The following AASDHPPT variants were observed in gnomAD, a reference collection of about 807,000 sequenced individuals.
The protein encoded by AASDHPPT is L-aminoadipate-semialdehyde dehydrogenase-phosphopantetheinyl transferase.
A neutral mutation model predicts 36.4 loss-of-function variants in AASDHPPT; 23 were observed. That is an observed-to-expected ratio of 0.63 (90% CI 0.45 to 0.89). The LOEUF is 0.89. Ranked by LOEUF, AASDHPPT falls within the 40% of genes least tolerant of loss-of-function variation. AASDHPPT has a pLI of 0.00. For missense variants in AASDHPPT, 377 were observed against 378.2 expected, an observed-to-expected ratio of 1.00 and a Z score of 0.03; for synonymous variants, 115 against 128.0, an observed-to-expected ratio of 0.90 and a Z score of 0.68.
intron 2 of AASDHPPT, among the ~76,000 whole-genome samples, chr11:106,087,432 T>C (rs747639204): frequency 6.6e-6 from 1 of 152,176 alleles, no homozygotes; most frequent in Non-Finnish European, 1.5e-5. Context: ...TTACAATTTC[T>C]AATATGATTT....
chr11:106,089,524 A>G (rs1189028747), intron 2 of AASDHPPT: 1 of 152,072 alleles, frequency 6.6e-6, no homozygotes, highest in Non-Finnish European at 1.5e-5. Flanking sequence ...TGGTTCACTT[A>G]CCTTGGAACA....
intron 2 of AASDHPPT, among the ~76,000 whole-genome samples, chr11:106,081,267 T>G (rs560185210): frequency 4.6e-5 from 7 of 152,340 alleles, no homozygotes; most frequent in African/African-American, 1.7e-4. Flanking sequence ...CTAATAAACC[T>G]TTCCAGTACA....
intron 2 of AASDHPPT, among the ~76,000 whole-genome samples, chr11:106,088,657 G>A (rs1012163588): frequency 6.6e-6 from 1 of 152,054 alleles, no homozygotes; most frequent in Non-Finnish European, 1.5e-5. Flanking sequence ...AAGCCAGTAT[G>A]TACTATTGAT....
rs1281338972 is a variant in AASDHPPT at position 106,098,493 on chromosome 11, C to T, written c.*1586C>T. On this transcript the variant is annotated 3_prime_UTR_variant, in exon 6 of 6. Transcript: ENST00000278618. ...TGTGCAAATTGTATAAAATTAGGTA[C>T]TTCGATTAGTAAAAGAAAAAAATTT... The T allele has an allele frequency of 6.7e-6, 1 of 150,366 alleles. No individual in the cohort carries two copies. Among genetic ancestry groups the T allele is most frequent in the Non-Finnish European group, 1.5e-5 (1 of 67,636 alleles). The allele number at this position is 150,366 out of a possible 1,614,324, so 9.3% of individuals were successfully genotyped here. A position where few individuals can be genotyped will look rare whatever the true frequency, so the allele number is the denominator to read the frequency against.
chr11:106,090,161 G>A (rs1013316818), intron 2 of AASDHPPT, among the ~76,000 whole-genome samples: 1 of 151,664 alleles, frequency 6.6e-6, no homozygotes, highest in Non-Finnish European at 1.5e-5. Context: ...ATTTTAATTG[G>A]GCTTCTGATA....
At chr11:106,083,909 T>TA (rs1184535760) in intron 2 of AASDHPPT, among the ~76,000 whole-genome samples, 2 of 152,130 alleles carry the variant, frequency 1.3e-5, no homozygotes, top group East Asian at 1.9e-4. Flanking sequence ...TATTTAAATT[T>TA]AAAAAAATTA....
At chr11:106,096,131 A>G (rs1355428256) in intron 5 of AASDHPPT, among the ~76,000 whole-genome samples, 1 of 152,174 alleles carries the variant, frequency 6.6e-6, no homozygotes, top group Non-Finnish European at 1.5e-5. Flanking sequence ...GAGACCAGTC[A>G]TATAAGTACT....
Position 106,079,546 on chromosome 11 carries a change from C to T in AASDHPPT, c.263C>T (p.Ala88Val), listed in dbSNP as rs1403335920. Residue 88 changes from alanine to valine, a missense_variant, in exon 2 of 6, where the codon GCA becomes GTA. Ala to Val is a moderately conservative substitution (Grantham distance 64). Transcript: ENST00000278618. ...PWNHIRLQRT[A>V]KGKPVLAKDS... ...AATCATATTCGTTTGCAAAGAACTG[C>T]AAAAGGAAAACCAGTTCTTGCAAAG... The T allele has an allele frequency of 6.2e-7, 1 of 1,613,992 alleles. No homozygotes were observed. Among genetic ancestry groups the T allele is most frequent in the Non-Finnish European group, 8.5e-7 (1 of 1,180,016 alleles).
chr11:106,096,028 T>G (rs887884481), intron 5 of AASDHPPT, among the ~76,000 whole-genome samples: 2 of 152,186 alleles, frequency 1.3e-5, no homozygotes, highest in African/African-American at 4.8e-5. Context: ...ACCTATGTTT[T>G]GAGCTTGGAC....
At chr11:106,081,520 A>G (rs946577753) in intron 2 of AASDHPPT, among the ~76,000 whole-genome samples, 1 of 152,238 alleles carries the variant, frequency 6.6e-6, no homozygotes, top group African/African-American at 2.4e-5. Flanking sequence ...TAGCATGGGA[A>G]TTAGCCCATA....
At chr11:106,092,153 C>T (rs1430510786) in intron 4 of AASDHPPT, 1 of 152,144 alleles carries the variant, frequency 6.6e-6, no homozygotes, top group Non-Finnish European at 1.5e-5. Context: ...TTGCATGTAA[C>T]AGTTTATAAA....
intron 2 of AASDHPPT, among the ~76,000 whole-genome samples, chr11:106,082,369 T>C (rs1214333001): frequency 6.6e-6 from 1 of 152,160 alleles, no homozygotes; most frequent in African/African-American, 2.4e-5. Flanking sequence ...TTGTAGTAAG[T>C]GAGGAGATTG....
At chr11:106,087,792 A>C (rs1463266273) in intron 2 of AASDHPPT, among the ~76,000 whole-genome samples, 1 of 152,172 alleles carries the variant, frequency 6.6e-6, no homozygotes, top group Non-Finnish European at 1.5e-5. Flanking sequence ...CTCCCTAATG[A>C]TCAAGCTATA....
chr11:106,088,137 C>T (rs1409385875), intron 2 of AASDHPPT, among the ~76,000 whole-genome samples: 6 of 152,110 alleles, frequency 3.9e-5, no homozygotes, highest in South Asian at 2.1e-4. Flanking sequence ...TATATGAAAA[C>T]GCACTCGTAT....
At chr11:106,094,188 A>T (rs543661124) in intron 4 of AASDHPPT, 1 of 155,936 alleles carries the variant, frequency 6.4e-6, no homozygotes, top group Non-Finnish European at 1.4e-5. Flanking sequence ...ACTGAATGCA[A>T]TACTTGTCCC....
intron 2 of AASDHPPT, among the ~76,000 whole-genome samples, chr11:106,088,312 G>C (rs1257741362): frequency 5.3e-5 from 8 of 151,814 alleles, no homozygotes; most frequent in Non-Finnish European, 1.0e-4. Flanking sequence ...GCTTCTTGGA[G>C]GTTATAAAAA....
chr11:106,084,536 G>A (rs949900921), intron 2 of AASDHPPT, among the ~76,000 whole-genome samples: 1 of 152,074 alleles, frequency 6.6e-6, no homozygotes, highest in Non-Finnish European at 1.5e-5. Context: ...GGGCTCAAGT[G>A]ATCTGCCTGC....
intron 2 of AASDHPPT, among the ~76,000 whole-genome samples, chr11:106,084,052 C>A (rs2135038396): frequency 6.6e-6 from 1 of 151,992 alleles, no homozygotes; most frequent in East Asian, 1.9e-4. Context: ...TATTAATAGG[C>A]ACGTTACAGA....
intron 5 of AASDHPPT, 25 bp downstream of exon 5, chr11:106,094,679 T>C: frequency 6.4e-7 from 1 of 1,551,616 alleles, no homozygotes; most frequent in Non-Finnish European, 8.8e-7. Context: ...TTTCTCTTTT[T>C]TCTAAATAGC....
Sources: allele counts gnomAD v4.1 joint callset (sites outside exome capture counted in the v4.1 genomes callset), GRCh38; gene constraint gnomAD v4.1.1; transcripts MANE v1.5; gene names NCBI Gene and HGNC (gene_info 2026-07-23, HGNC 2026-07-21).